The following EGF variants were observed in gnomAD, a reference collection of about 807,000 sequenced individuals.
The protein encoded by EGF is pro-epidermal growth factor.
In EGF, 95 loss-of-function variants were observed where a neutral mutation model predicts 143.8. That is an observed-to-expected ratio of 0.66 (90% CI 0.56 to 0.78). The LOEUF (loss-of-function observed/expected upper bound fraction) is 0.78, where lower values mean the gene tolerates loss of function less well. Among genes scored for constraint, EGF ranks in the 30% least tolerant of loss-of-function variants. EGF has a pLI of 0.00. For missense variants in EGF, 1,320 were observed against 1,470.9 expected (o/e 0.90, Z 1.68); for synonymous variants, 510 against 510.5 (o/e 1.00, Z 0.01).
Position 109,980,945 on chromosome 4 carries a change from C to A in EGF, c.2341C>A (p.Leu781Met). The part of the protein sequence containing the change: ...FMKASDGKTC[L>M]ALDGHQLLAG... ...GAAAGCCTCAGATGGGAAAACGTGT[C>A]TGGCTCTGGATGGTCATCAGCTGTT... is the stretch of plus-strand genomic sequence containing the variant. The change falls in exon 15 of 24, where the codon CTG (leucine) becomes ATG (methionine). Residue 781 changes from leucine (L) to methionine (M), a missense_variant. Around this residue, in one of 5 missense-constraint regions of EGF, gnomAD observed 1,186 missense variants for 1,313.7 expected, o/e 0.90. Coordinates refer to ENST00000265171, the MANE Select transcript of EGF (RefSeq NM_001963.6). The A allele has an allele frequency of 2.5e-6, 4 of 1,614,092 alleles. No individual in the cohort carries two copies. Among genetic ancestry groups the A allele is most frequent in the Non-Finnish European group, 3.4e-6 (4 of 1,179,978 alleles).
intron 23 of EGF, among the ~76,000 whole-genome samples, chr4:110,008,513 T>A (rs1422545268): frequency 6.6e-6 from 1 of 152,156 alleles, no homozygotes; most frequent in African/African-American, 2.4e-5. Context: ...TTGATTTGAA[T>A]TGAGTTTTGG....
chr4:109,931,892 T>C (rs1417131548), intron 1 of EGF, among the ~76,000 whole-genome samples: 1 of 152,222 alleles, frequency 6.6e-6, no homozygotes, highest in Admixed American at 6.5e-5. Flanking sequence ...GAAGATAAAA[T>C]GTATTAATTA....
rs41322950 is a variant in EGF at position 109,941,289 on chromosome 4, A to G, written c.327+144A>G. On this transcript the variant is annotated intron_variant, in intron 2 of 23. Transcript: ENST00000265171. ...CCAAATATAGGCATTTATTTAATCT[A>G]CATCTGTGGTGTATATTCTTGAATA... 218 of 740,480 alleles carry G rather than the reference A, an allele frequency of 2.9e-4. No homozygotes were observed. In the African/African-American group the frequency reaches 3.5e-3, roughly 12 times the overall value. 45.9% of individuals were successfully genotyped at this position (740,480 alleles called of 1,614,324 possible).
chr4:109,968,787 A>G, intron 10 of EGF, 184 bp from the exon 11 acceptor site: 1 of 646,560 alleles, frequency 1.5e-6, no homozygotes, highest in Non-Finnish European at 2.7e-6. Flanking sequence ...ATTCTGAGAC[A>G]TTAAATAACT....
chr4:109,974,932 A>T lies in EGF; in HGVS notation c.1829+125A>T, dbSNP rs541918954. 123 of 681,766 alleles carry T rather than the reference A, an allele frequency of 1.8e-4. 2 individuals carry two copies. In the East Asian group the frequency reaches 3.3e-3, roughly 18 times the overall value. The allele number at this position is 681,766 out of a possible 1,614,324, so 42.2% of individuals were successfully genotyped here. A position where few individuals can be genotyped will look rare whatever the true frequency, so the allele number is the denominator to read the frequency against. On this transcript the variant is annotated intron_variant, in intron 12 of 23. Coordinates refer to ENST00000265171, the MANE Select transcript of EGF (RefSeq NM_001963.6). ...CAATTTGTTCAAATCTTCAGCATGA[A>T]TTCCTCATGCTTTTAATGTCTTGAT...
Position 109,920,972 on chromosome 4 carries a change from T to C in EGF, c.127+7510T>C, listed in dbSNP as rs531305574. Among the ~76,000 whole-genome samples the C allele has an allele frequency of 2.6e-5, 4 of 151,768 alleles. No homozygotes were observed. The South Asian group carries it at 6.2e-4, about 24-fold the overall frequency. On this transcript the variant is annotated intron_variant, in intron 1 of 23. Transcript: ENST00000265171. ...CAGATGTCCTGTTTGCTGGGGCTCA[T>C]GACAAGATGACTGAGAGTCAGGTCT...
chr4:109,917,802 T>C (rs1736965135), intron 1 of EGF, among the ~76,000 whole-genome samples: 3 of 152,012 alleles, frequency 2.0e-5, no homozygotes, highest in Non-Finnish European at 4.4e-5. Flanking sequence ...GTATTTTTAG[T>C]AGAGATGGGG....
chr4:109,947,221 A>G (rs1743016176), intron 5 of EGF, among the ~76,000 whole-genome samples: 1 of 152,166 alleles, frequency 6.6e-6, no homozygotes, highest in African/African-American at 2.4e-5. Flanking sequence ...TATAATCGTT[A>G]GGCTGCTCAA....
chr4:109,971,998 GCTAT>G (rs1342629174), intron 11 of EGF, among the ~76,000 whole-genome samples: 2 of 151,928 alleles, frequency 1.3e-5, no homozygotes, highest in Admixed American at 1.3e-4. Flanking sequence ...AAAAATATAA[GCTAT>G]CTATTTATTC....
chr4:109,965,696 C>A (rs566493014), intron 10 of EGF, among the ~76,000 whole-genome samples: 1 of 151,962 alleles, frequency 6.6e-6, no homozygotes, highest in Non-Finnish European at 1.5e-5. Context: ...ATCTTTGAGC[C>A]AGCAGTGTCA....
intron 10 of EGF, among the ~76,000 whole-genome samples, chr4:109,966,499 A>G (rs1349429663): frequency 6.6e-6 from 1 of 152,140 alleles, no homozygotes; most frequent in Non-Finnish European, 1.5e-5. Context: ...TGCTGTGATA[A>G]ACATACAAGT....
intron 22 of EGF, 32 bp from the exon 23 acceptor site, chr4:110,008,120 T>C: frequency 6.3e-7 from 1 of 1,584,374 alleles, no homozygotes; most frequent in South Asian, 1.1e-5. Context: ...ATTTTAACAA[T>C]ATCCTCTCTC....
chr4:110,006,822 G>A (rs897774324), intron 22 of EGF, among the ~76,000 whole-genome samples: 8 of 152,336 alleles, frequency 5.3e-5, no homozygotes, highest in South Asian at 2.1e-4. Flanking sequence ...CATAACTGTC[G>A]TTGACAGCAA....
intron 1 of EGF, among the ~76,000 whole-genome samples, chr4:109,929,788 C>A (rs892765241): frequency 6.6e-6 from 1 of 152,212 alleles, no homozygotes; most frequent in Non-Finnish European, 1.5e-5. Flanking sequence ...TTTAAATCAT[C>A]TGGCTTCTCT....
In EGF at chr4:110,001,874, T is replaced by C. The variant is rs561366722; in HGVS notation, c.3173+2028T>C. 4 of 985,456 alleles carry C rather than the reference T, an allele frequency of 4.1e-6. No homozygotes were observed. The South Asian group carries it at 1.9e-4, about 46-fold the overall frequency. 61.0% of individuals were successfully genotyped at this position (985,456 alleles called of 1,614,324 possible). A position where few individuals can be genotyped will look rare whatever the true frequency, so the allele number is the denominator to read the frequency against. ...AAATGCATCCAGAGTTGTACAATTC[T>C]TCCTGAGTGAATCTATGGTTATTTA... On this transcript the variant is annotated intron_variant, in intron 21 of 23. Coordinates refer to ENST00000265171, the MANE Select transcript of EGF (RefSeq NM_001963.6).
chr4:110,005,749 G>C lies in EGF; in HGVS notation c.3291+1127G>C, dbSNP rs139122835. On this transcript the variant is annotated intron_variant, in intron 22 of 23. Coordinates refer to ENST00000265171, the MANE Select transcript of EGF (RefSeq NM_001963.6). The stretch of plus-strand genomic sequence containing the variant: ...AAGGACTGATTCAGTGTGTGCTGTT[G>C]GCATTATTTGTGGTATATATTGTGG... Among the ~76,000 whole-genome samples the C allele has an allele frequency of 3.5e-3, 528 of 152,276 alleles. 4 individuals are homozygous for C. The highest frequency in any genetic ancestry group is 0.014 in the Middle Eastern group (4 of 294).
Position 109,963,237 on chromosome 4 carries a change from G to T in EGF, c.1377G>T (p.Trp459Cys). ...QLCVPLSPVS[W>C]ECDCFPGYDL... Reference sequence around the variant, plus strand: ...GCGTTCCTCTTAGCCCAGTATCCTGGGAATGTGATTGCTTTCCTGGGTATG... The same window carrying T: ...GCGTTCCTCTTAGCCCAGTATCCTGTGAATGTGATTGCTTTCCTGGGTATG... The change falls in exon 9 of 24, where the codon TGG (tryptophan) becomes TGT (cysteine). Residue 459 changes from tryptophan to cysteine, a missense_variant. By Grantham distance (215) the Trp-to-Cys change is radical (BLOSUM62 -2). Transcript: ENST00000265171. 1 of 1,614,018 alleles carries T rather than the reference G, an allele frequency of 6.2e-7. No individual in the cohort carries two copies. The highest frequency in any genetic ancestry group is 1.1e-5 in the South Asian group (1 of 91,080).
chr4:110,004,239 CACACACACACACAA>C, intron 21 of EGF: 1 of 478,810 alleles, frequency 2.1e-6, no homozygotes, highest in Non-Finnish European at 3.8e-6. Context: ...CACACACACA[CACACACACACACAA>C]ACACACACAC....
chr4:109,980,754 C>G, intron 14 of EGF, 72 bp from the exon 15 acceptor site: 1 of 1,566,048 alleles, frequency 6.4e-7, no homozygotes, highest in Non-Finnish European at 8.8e-7. Flanking sequence ...TAAAAGCAAG[C>G]TGTAGACTTG....
Sources: allele counts gnomAD v4.1 joint callset (sites outside exome capture counted in the v4.1 genomes callset), GRCh38; gene constraint gnomAD v4.1.1; regional missense constraint gnomAD v4.1.1; transcripts MANE v1.5; gene names NCBI Gene and HGNC (gene_info 2026-07-23, HGNC 2026-07-21).